Variants in CDS2 observed in about 807,000 individuals in gnomAD.
The protein encoded by CDS2 is CDP-diacylglycerol synthase 2, also known as phosphatidate cytidylyltransferase 2.
CDS2 carries 47 observed loss-of-function variants against 59.0 expected under a neutral mutation model. The ratio of observed to expected loss-of-function variants is 0.80; its 90% CI spans 0.63 to 1.02. The LOEUF is 1.02. CDS2 is among the 50% of genes least tolerant of loss of function. CDS2 has a pLI of 0.00. For missense variants in CDS2, 356 were observed against 558.9 expected (o/e 0.64, Z 3.66); for synonymous variants, 207 against 206.4 (o/e 1.00, Z -0.02).
At position 5,195,155 on chromosome 20, in the gene CDS2, T is replaced by C. The variant is rs1024996812; in HGVS notation, c.*4921T>C. Reference sequence around the variant, plus strand: ...TGTGAGGATATAACGAGGTAATGCATGTAAGCATTTAGTACCATGCCTGGC... The same window carrying C: ...TGTGAGGATATAACGAGGTAATGCACGTAAGCATTTAGTACCATGCCTGGC... On this transcript the variant is annotated 3_prime_UTR_variant, in exon 13 of 13. Transcript: ENST00000460006. 1.3e-5 allele frequency: 2 copies of C among 152,114 alleles called. No homozygotes were observed. Among genetic ancestry groups the C allele is most frequent in the African/African-American group, 4.8e-5 (2 of 41,406 alleles). The allele number at this position is 152,114 out of a possible 1,614,324, so 9.4% of individuals were successfully genotyped here.
intron 1 of CDS2, among the ~76,000 whole-genome samples, chr20:5,146,697 C>T (rs1248684903): frequency 1.3e-5 from 2 of 152,054 alleles, no homozygotes; most frequent in Admixed American, 6.6e-5. Context: ...TTCTTTAAAC[C>T]ATTACAACAA....
intron 10 of CDS2, chr20:5,187,653 G>A (rs1778381142): frequency 6.6e-6 from 1 of 152,152 alleles, no homozygotes; most frequent in Non-Finnish European, 1.5e-5. Context: ...GGCCGAGGCA[G>A]GCAGATCTCT....
intron 1 of CDS2, among the ~76,000 whole-genome samples, chr20:5,162,371 T>C (rs1465696344): frequency 6.6e-6 from 1 of 152,118 alleles, no homozygotes; most frequent in Non-Finnish European, 1.5e-5. Context: ...GCAAAACACT[T>C]CCGGTCTCAA....
chr20:5,178,035 C>G (rs894196179), intron 4 of CDS2, among the ~76,000 whole-genome samples: 42 of 152,204 alleles, frequency 2.8e-4, no homozygotes, highest in African/African-American at 1.0e-3. Context: ...CCACTTTCTT[C>G]TCTATCTCAG....
At position 5,195,796 on chromosome 20, in the gene CDS2, G is replaced by C. The variant is rs1028485220; in HGVS notation, c.*5562G>C. On this transcript the variant is annotated 3_prime_UTR_variant, in exon 13 of 13. Coordinates refer to ENST00000460006, the MANE Select transcript of CDS2 (RefSeq NM_003818.4). ...GTTTCCTTCTAAAAGTAGTAACCGG[G>C]TAGAAGTGGGTGACCCATTGAGGAC... 7.9e-5 allele frequency: 12 copies of C among 152,222 alleles called. No homozygotes were observed. Among genetic ancestry groups the C allele is most frequent in the Non-Finnish European group, 1.3e-4 (9 of 68,062 alleles). The allele number at this position is 152,222 out of a possible 1,614,324, so 9.4% of individuals were successfully genotyped here. A position where few individuals can be genotyped will look rare whatever the true frequency, so the allele number is the denominator to read the frequency against.
chr20:5,176,577 C>G, intron 3 of CDS2, 71 bp from the exon 4 acceptor site: 1 of 1,184,852 alleles, frequency 8.4e-7, no homozygotes, highest in Non-Finnish European at 1.3e-6. Context: ...CTGGAAGGCT[C>G]ATGACCTGTT....
intron 1 of CDS2, among the ~76,000 whole-genome samples, chr20:5,158,099 C>T (rs1286417001): frequency 2.0e-5 from 3 of 150,940 alleles, no homozygotes; most frequent in Non-Finnish European, 4.4e-5. Context: ...TATATGTGGC[C>T]CAAGACAGTT....
At chr20:5,132,120 T>TG (rs2090612456) in intron 1 of CDS2, among the ~76,000 whole-genome samples, 1 of 151,676 alleles carries the variant, frequency 6.6e-6, no homozygotes, top group Admixed American at 6.6e-5. Context: ...TTTTTTGAGA[T>TG]GGAGTCTCGC....
At chr20:5,187,733 AT>A (rs2091080305) in intron 10 of CDS2, 1 of 152,010 alleles carries the variant, frequency 6.6e-6, no homozygotes, top group African/African-American at 2.4e-5. Context: ...ATACAAAAAA[AT>A]ATAGCTGGGG....
Position 5,186,725 on chromosome 20 carries a change from C to T in CDS2, c.867C>T (p.Cys289=). 1 of 1,614,058 alleles carries T rather than the reference C, an allele frequency of 6.2e-7. No individual in the cohort carries two copies. Among genetic ancestry groups the T allele is most frequent in the Non-Finnish European group, 8.5e-7 (1 of 1,179,986 alleles). The change falls in exon 10 of 13, where the codon TGC becomes TGT. Residue 289 remains cysteine (C), a synonymous_variant. Transcript: ENST00000460006. ...TGTCCGGGTACAGATGCTTTGTCTG[C>T]CCTGTGGAGTACAACAATGACACCA... is the stretch of plus-strand genomic sequence containing the variant. ...YVMSGYRCFV[C]PVEYNNDTNS... is the part of the protein sequence containing the mutation.
intron 1 of CDS2, among the ~76,000 whole-genome samples, chr20:5,149,833 A>T (rs2090774527): frequency 6.6e-6 from 1 of 152,116 alleles, no homozygotes; most frequent in South Asian, 2.1e-4. Flanking sequence ...CTCCTGCCTT[A>T]GCCTCCTGAG....
chr20:5,154,638 T>TG (rs1180040018), intron 1 of CDS2, among the ~76,000 whole-genome samples: 2 of 152,158 alleles, frequency 1.3e-5, no homozygotes, highest in Non-Finnish European at 2.9e-5. Flanking sequence ...GACAGATGTC[T>TG]TTTTGTTTGT....
rs1479730871 is a variant in CDS2, at chr20:5,182,373, C to T, written c.530-14C>T. 1.9e-6 allele frequency: 3 copies of T among 1,604,100 alleles called. No individual in the cohort carries two copies. Among genetic ancestry groups the T allele is most frequent in the African/African-American group, 1.3e-5 (1 of 74,374 alleles). On this transcript the variant is annotated splice_polypyrimidine_tract_variant and intron_variant, in intron 5 of 12. Coordinates refer to ENST00000460006, the MANE Select transcript of CDS2 (RefSeq NM_003818.4). ...CATAATTCATTTTTCTTTTCTCCTC[C>T]CACCTCAAACTAGGATTCTGCATGT...
intron 1 of CDS2, among the ~76,000 whole-genome samples, chr20:5,140,096 C>T (rs1172505801): frequency 6.6e-6 from 1 of 152,210 alleles, no homozygotes; most frequent in Admixed American, 6.5e-5. Context: ...ACCGCTGCAC[C>T]CGGCCAGCAT....
chr20:5,189,347 T>C (rs187136568), intron 11 of CDS2, among the ~76,000 whole-genome samples, 161 bp downstream of exon 11: 1 of 152,246 alleles, frequency 6.6e-6, no homozygotes, highest in East Asian at 1.9e-4. Flanking sequence ...TTAATAACAA[T>C]ATTTTCAGGA....
chr20:5,177,472 T>C (rs2091002908), intron 4 of CDS2, among the ~76,000 whole-genome samples: 1 of 152,122 alleles, frequency 6.6e-6, no homozygotes, highest in African/African-American at 2.4e-5. Context: ...GGATTCAGCT[T>C]TCTTAAAGCA....
intron 1 of CDS2, chr20:5,128,557 A>G (rs142539070): frequency 3.2e-4 from 48 of 152,368 alleles, no homozygotes; most frequent in African/African-American, 1.2e-3. Flanking sequence ...AGGCAGGAGG[A>G]TCGCTTGAGC....
chr20:5,176,322 T>G (rs1397073908), intron 3 of CDS2: 1 of 214,492 alleles, frequency 4.7e-6, no homozygotes, highest in East Asian at 1.0e-4. Flanking sequence ...TTTTGGAGGC[T>G]GAGGCAGGTG....
intron 1 of CDS2, among the ~76,000 whole-genome samples, chr20:5,127,499 C>T (rs1479435475): frequency 2.6e-5 from 4 of 152,314 alleles, no homozygotes; most frequent in South Asian, 2.1e-4. Flanking sequence ...TATGCAGAGC[C>T]TTCTTAGGGA....
Sources: allele counts gnomAD v4.1 joint callset (sites outside exome capture counted in the v4.1 genomes callset), GRCh38; gene constraint gnomAD v4.1.1; transcripts MANE v1.5; gene names NCBI Gene and HGNC (gene_info 2026-07-23, HGNC 2026-07-21).